Variants in RALGPS1 observed in about 807,000 individuals in gnomAD.
RALGPS1 encodes the protein ras-specific guanine nucleotide-releasing factor RalGPS1.
In RALGPS1, 19 loss-of-function variants were observed where a neutral mutation model predicts 78.8. That is an observed-to-expected ratio of 0.24 (90% CI 0.17 to 0.35). RALGPS1 has a LOEUF of 0.35. RALGPS1 is among the 10% of genes least tolerant of loss of function. The pLI is 1.00. For synonymous variants in RALGPS1, 228 were observed against 256.3 expected (o/e 0.89, Z 1.06); for missense variants, 454 against 688.3 (o/e 0.66, Z 3.81).
intron 7 of RALGPS1, among the ~76,000 whole-genome samples, chr9:127,066,839 G>T (rs1482502365): frequency 6.6e-6 from 1 of 151,916 alleles, no homozygotes; most frequent in Non-Finnish European, 1.5e-5. Flanking sequence ...TACAGACAGG[G>T]TCTTGCTCTG....
chr9:127,055,521 A>G (rs1004960324), intron 7 of RALGPS1, among the ~76,000 whole-genome samples: 2 of 152,226 alleles, frequency 1.3e-5, no homozygotes, highest in African/African-American at 4.8e-5. Context: ...CCTGGCCCCT[A>G]AACACTTTAC....
chr9:127,147,384 A>C (rs1306230045), intron 8 of RALGPS1, among the ~76,000 whole-genome samples: 4 of 152,168 alleles, frequency 2.6e-5, no homozygotes, highest in African/African-American at 9.7e-5. Flanking sequence ...AGTTTAATTA[A>C]GTCCTACTTG....
intron 4 of RALGPS1, among the ~76,000 whole-genome samples, chr9:127,032,376 CA>C: frequency 2.1e-5 from 1 of 47,634 alleles, no homozygotes; most frequent in Non-Finnish European, 4.8e-5. Context: ...TGCGTGTGCA[CA>C]CACACACACA....
chr9:126,975,255 A>G, intron 3 of RALGPS1, among the ~76,000 whole-genome samples: 1 of 152,168 alleles, frequency 6.6e-6, no homozygotes, highest in East Asian at 1.9e-4. Flanking sequence ...TTTTGAATAA[A>G]ACACCTGAAC....
chr9:127,053,633 G>A (rs553393618), intron 7 of RALGPS1, among the ~76,000 whole-genome samples: 9 of 152,258 alleles, frequency 5.9e-5, no homozygotes, highest in Non-Finnish European at 1.2e-4. Context: ...TTTAAGACCT[G>A]TTTATATCCC....
At chr9:127,031,524 G>A (rs775167620) in intron 4 of RALGPS1, among the ~76,000 whole-genome samples, 5 of 152,162 alleles carry the variant, frequency 3.3e-5, no homozygotes, top group African/African-American at 9.7e-5. Context: ...CCTGTGCCCC[G>A]CATGTCACCT....
intron 7 of RALGPS1, among the ~76,000 whole-genome samples, chr9:127,053,159 A>C (rs561632477): frequency 7.8e-4 from 119 of 152,308 alleles, no homozygotes; most frequent in African/African-American, 2.8e-3. Flanking sequence ...CTGGGGTCAG[A>C]AGCCCCCAGA....
At chr9:127,162,400 A>C (rs907418296) in intron 8 of RALGPS1, among the ~76,000 whole-genome samples, 2 of 152,248 alleles carry the variant, frequency 1.3e-5, no homozygotes, top group African/African-American at 4.8e-5. Context: ...AGGCTTATAC[A>C]TATCTCTGTT....
At chr9:127,169,644 C>G (rs1343350389) in intron 10 of RALGPS1, among the ~76,000 whole-genome samples, 1 of 152,110 alleles carries the variant, frequency 6.6e-6, no homozygotes, top group Non-Finnish European at 1.5e-5. Flanking sequence ...CACAGATGGT[C>G]CCCAACTTAG....
rs60049845 is a variant in RALGPS1 at position 127,197,356 on chromosome 9, G to A, written c.1195+725G>A. On this transcript the variant is annotated intron_variant, in intron 13 of 18. Transcript: ENST00000259351. ...TGTGCTCTGATGCCTGTTGCCTTTC[G>A]GTGTGCCTGTGCCTCTGTGGTCTGT... 3.4e-3 allele frequency among the ~76,000 whole-genome samples: 524 copies of A among 152,214 alleles called. 3 individuals carry two copies. Among genetic ancestry groups the A allele is most frequent in the African/African-American group, 0.011 (452 of 41,524 alleles).
At position 127,033,795 on chromosome 9, in the gene RALGPS1, G is replaced by A. The variant is rs1173745001; in HGVS notation, c.217-636G>A. Among the ~76,000 whole-genome samples the A allele has an allele frequency of 3.3e-5, 5 of 152,298 alleles. 1 individual carries two copies. In the East Asian group the frequency reaches 9.6e-4, roughly 29 times the overall value. On this transcript the variant is annotated intron_variant, in intron 4 of 18. Coordinates refer to ENST00000259351, the MANE Select transcript of RALGPS1 (RefSeq NM_014636.3). ...CAGCCTTACTGATAAATAAAATCTAGATAATTCAGTTCTTCAAATTATAAT... is the reference window on the plus strand; with the variant it reads ...CAGCCTTACTGATAAATAAAATCTAAATAATTCAGTTCTTCAAATTATAAT...
chr9:126,990,348 C>T (rs920532322), intron 4 of RALGPS1: 1 of 220,052 alleles, frequency 4.5e-6, no homozygotes, highest in Non-Finnish European at 9.0e-6. Flanking sequence ...TTCCATCCCC[C>T]AGCCTCCTCT....
intron 5 of RALGPS1, 56 bp downstream of exon 5, chr9:127,034,570 G>T: frequency 6.6e-7 from 1 of 1,512,428 alleles, no homozygotes; most frequent in Non-Finnish European, 9.2e-7. Flanking sequence ...GCTGTCCCCT[G>T]TAGGCTGCGA....
intron 8 of RALGPS1, among the ~76,000 whole-genome samples, chr9:127,124,043 G>A (rs888180287): frequency 1.2e-4 from 18 of 152,256 alleles, no homozygotes; most frequent in African/African-American, 4.1e-4. Flanking sequence ...CCAGGCACCC[G>A]TCCCAACCCT....
chr9:126,927,379 A>G (rs2035381575), intron 1 of RALGPS1, among the ~76,000 whole-genome samples: 1 of 152,132 alleles, frequency 6.6e-6, no homozygotes, highest in African/African-American at 2.4e-5. Context: ...GAAAGACAGG[A>G]AGAACGATGG....
At chr9:127,060,819 A>G (rs919481507) in intron 7 of RALGPS1, among the ~76,000 whole-genome samples, 1 of 152,186 alleles carries the variant, frequency 6.6e-6, no homozygotes, top group Admixed American at 6.5e-5. Flanking sequence ...GCTGTGTGCC[A>G]TCGCTCCTTC....
At chr9:126,960,220 C>CCTCT (rs1242575385) in intron 1 of RALGPS1, among the ~76,000 whole-genome samples, 1 of 32,700 alleles carries the variant, frequency 3.1e-5, no homozygotes, top group African/African-American at 9.3e-5. Context: ...TCCCTCCCTC[C>CCTCT]CTTCCTTCCT....
chr9:126,990,020 C>G (rs1239304600), intron 4 of RALGPS1: 1 of 1,549,412 alleles, frequency 6.5e-7, no homozygotes, highest in Non-Finnish European at 8.7e-7. Context: ...GGCCTTTTGT[C>G]TGGATGCCGT....
Position 127,115,901 on chromosome 9 carries a change from C to T in RALGPS1, c.610+46545C>T, listed in dbSNP as rs139137239. ...TGTCCTGGATGATTCACCATCAGCC[C>T]GGAGGCCAGGGAGGGCATATCCAGA... On this transcript the variant is annotated intron_variant, in intron 8 of 18. Coordinates refer to ENST00000259351, the MANE Select transcript of RALGPS1 (RefSeq NM_014636.3). 2.0e-3 allele frequency among the ~76,000 whole-genome samples: 299 copies of T among 152,270 alleles called. 2 individuals are homozygous for T. The highest frequency in any genetic ancestry group is 6.6e-3 in the African/African-American group (276 of 41,552).
Sources: gnomAD v4.1 joint callset for allele counts (sites outside exome capture counted in the v4.1 genomes callset) on GRCh38, gnomAD v4.1.1 for gene constraint, MANE v1.5 for transcripts, NCBI Gene and HGNC (gene_info 2026-07-23, HGNC 2026-07-21) for gene names.